REDIC1: variants seen among roughly 807,000 people sequenced by gnomAD.
The protein encoded by REDIC1 is HEI10 Interacting Protein 1.
the REDIC1 span, among the ~76,000 whole-genome samples, chr12:39,734,202 C>T: frequency 1.3e-5 from 2 of 152,172 alleles, no homozygotes; most frequent in Non-Finnish European, 2.9e-5. Context: ...GAGGCGACGC[C>T]CCACCCTGCT....
the REDIC1 span, among the ~76,000 whole-genome samples, chr12:39,656,476 A>G: frequency 7.3e-4 from 111 of 152,338 alleles, no homozygotes; most frequent in Admixed American, 6.7e-3. Context: ...ACAATTATGT[A>G]TAATACATAA....
chr12:39,635,519 C>T, the REDIC1 span, among the ~76,000 whole-genome samples: 6 of 151,960 alleles, frequency 3.9e-5, 1 homozygote, highest in African/African-American at 1.5e-4. Flanking sequence ...TGGAAACCAT[C>T]ATTCTCAGCA....
chr12:39,877,195 G>C, the REDIC1 span, among the ~76,000 whole-genome samples: 6 of 152,068 alleles, frequency 3.9e-5, no homozygotes, highest in African/African-American at 1.4e-4. Context: ...CTAAGACTGG[G>C]TAATTTATAA....
the REDIC1 span, among the ~76,000 whole-genome samples, chr12:39,861,534 C>A: frequency 1.3e-5 from 2 of 152,008 alleles, no homozygotes; most frequent in Non-Finnish European, 2.9e-5. Flanking sequence ...TTGAGGGAAG[C>A]GTACATAGGA....
the REDIC1 span, among the ~76,000 whole-genome samples, chr12:39,705,172 G>A: frequency 6.6e-6 from 1 of 151,866 alleles, no homozygotes; most frequent in South Asian, 2.1e-4. Flanking sequence ...TCATTCGTGG[G>A]TGCTATGAAT....
chr12:39,871,928 A>C, the REDIC1 span: 2 of 1,609,824 alleles, frequency 1.2e-6, no homozygotes, highest in South Asian at 1.1e-5. Flanking sequence ...CATCTTCAAC[A>C]CCAGACATCT....
the REDIC1 span, among the ~76,000 whole-genome samples, chr12:39,653,104 G>A: frequency 6.6e-6 from 1 of 152,020 alleles, no homozygotes; most frequent in Non-Finnish European, 1.5e-5. Flanking sequence ...AAGAGATTAT[G>A]TTGAATTTAT....
At chr12:39,717,971 C>CTTTTTTT in the REDIC1 span, among the ~76,000 whole-genome samples, 1 of 148,196 alleles carries the variant, frequency 6.7e-6, no homozygotes. Context: ...CACCTTTCAC[C>CTTTTTTT]TTTTTTTTTT....
the REDIC1 span, among the ~76,000 whole-genome samples, chr12:39,750,271 A>G: frequency 7.2e-5 from 11 of 152,252 alleles, no homozygotes; most frequent in South Asian, 1.7e-3. Context: ...TTATACACCA[A>G]TAACAGACAG....
chr12:39,760,337 T>C, the REDIC1 span: 51 of 1,298,708 alleles, frequency 3.9e-5, no homozygotes, highest in African/African-American at 7.5e-4. Context: ...TGACTTTTTT[T>C]TTCTGGTCAG....
the REDIC1 span, among the ~76,000 whole-genome samples, chr12:39,729,286 G>A: frequency 1.3e-5 from 2 of 152,134 alleles, no homozygotes; most frequent in Non-Finnish European, 2.9e-5. Flanking sequence ...GTCTTCTCCT[G>A]TGGGCATTTA....
the REDIC1 span, among the ~76,000 whole-genome samples, chr12:39,860,874 C>T: frequency 6.6e-6 from 1 of 152,144 alleles, no homozygotes; most frequent in Non-Finnish European, 1.5e-5. Context: ...CTTGGTGGCA[C>T]CCACACCCAC....
At chr12:39,630,866 G>A in the REDIC1 span, among the ~76,000 whole-genome samples, 1 of 152,126 alleles carries the variant, frequency 6.6e-6, no homozygotes, top group Admixed American at 6.5e-5. Flanking sequence ...ATACTTAAAC[G>A]TACAGTGAAC....
At chr12:39,633,600 T>C in the REDIC1 span, among the ~76,000 whole-genome samples, 2 of 152,240 alleles carry the variant, frequency 1.3e-5, no homozygotes, top group African/African-American at 4.8e-5. Context: ...GATAATTGTA[T>C]GTGCTATACT....
the REDIC1 span, among the ~76,000 whole-genome samples, chr12:39,690,155 G>C: frequency 2.6e-5 from 4 of 152,164 alleles, no homozygotes; most frequent in Non-Finnish European, 5.9e-5. Flanking sequence ...CCTGCCCACA[G>C]GTTAGGTAAA....
the REDIC1 span, among the ~76,000 whole-genome samples, chr12:39,653,524 C>CT: frequency 1.7e-5 from 1 of 57,752 alleles, no homozygotes; most frequent in African/African-American, 5.1e-5. Context: ...TCTTCTTCTT[C>CT]TTCTTCTTCT....
At chr12:39,711,722 C>A in the REDIC1 span, among the ~76,000 whole-genome samples, 1 of 11,902 alleles carries the variant, frequency 8.4e-5, no homozygotes, top group African/African-American at 1.6e-4. Flanking sequence ...CATGTGTATG[C>A]ACATGCATGT....
At chr12:39,814,904 T>C in the REDIC1 span, among the ~76,000 whole-genome samples, 33 of 152,270 alleles carry the variant, frequency 2.2e-4, no homozygotes, top group African/African-American at 7.2e-4. Context: ...CAGAAAGATA[T>C]GATAGATTGT....
the REDIC1 span, chr12:39,865,002 A>T: frequency 2.3e-6 from 2 of 874,630 alleles, no homozygotes; most frequent in African/African-American, 1.7e-5. Flanking sequence ...AAAAAAAAAT[A>T]CCGTGCTCTA....
Sources: gnomAD v4.1 joint callset for allele counts (sites outside exome capture counted in the v4.1 genomes callset) on GRCh38, gnomAD v4.1.1 for gene constraint, MANE v1.5 for transcripts, NCBI Gene and HGNC (gene_info 2026-07-23, HGNC 2026-07-21) for gene names.